TARBP1: variants seen among roughly 807,000 people sequenced by gnomAD.
TARBP1 encodes the protein tRNA (guanosine(18)-2'-O)-methyltransferase TARBP1.
Under a neutral mutation model 178.6 loss-of-function variants are expected in TARBP1, and 144 were observed. The ratio of observed to expected loss-of-function variants is 0.81; its 90% CI spans 0.70 to 0.93. TARBP1 has a LOEUF of 0.93. TARBP1 is among the 40% of genes least tolerant of loss of function. The pLI is 0.00. For missense variants in TARBP1, 2,067 were observed against 2,011.7 expected (o/e 1.03, Z -0.53); for synonymous variants, 787 against 781.0 (o/e 1.01, Z -0.13).
chr1:234,433,022 G>A (rs907944100), intron 14 of TARBP1, among the ~76,000 whole-genome samples: 9 of 152,094 alleles, frequency 5.9e-5, no homozygotes, highest in African/African-American at 2.2e-4. Context: ...GGCGGATCAC[G>A]AGGTCAGGAG....
intron 12 of TARBP1, among the ~76,000 whole-genome samples, chr1:234,437,636 A>G (rs974332597): frequency 1.3e-5 from 2 of 152,368 alleles, no homozygotes; most frequent in South Asian, 2.1e-4. Flanking sequence ...GACAGAATGC[A>G]TGACGCAGCT....
intron 9 of TARBP1, among the ~76,000 whole-genome samples, chr1:234,453,580 C>G (rs894952716): frequency 1.3e-5 from 2 of 151,844 alleles, no homozygotes; most frequent in Non-Finnish European, 2.9e-5. Flanking sequence ...TTAGGGTGAG[C>G]TACATGAAAA....
At chr1:234,465,828 C>T in intron 4 of TARBP1, 120 bp from the exon 5 acceptor site, 1 of 864,924 alleles carries the variant, frequency 1.2e-6, no homozygotes, top group Non-Finnish European at 1.7e-6. Flanking sequence ...ATAAGCAAAG[C>T]TGATCTCTTA....
chr1:234,422,528 A>T (rs946270081), intron 20 of TARBP1, among the ~76,000 whole-genome samples: 3 of 152,220 alleles, frequency 2.0e-5, no homozygotes, highest in Non-Finnish European at 4.4e-5. Context: ...TGGGAGCTAA[A>T]AAATAAAACA....
At chr1:234,423,921 T>C (rs1663404136) in intron 20 of TARBP1, among the ~76,000 whole-genome samples, 1 of 151,966 alleles carries the variant, frequency 6.6e-6, no homozygotes, top group Non-Finnish European at 1.5e-5. Context: ...TAAATATATA[T>C]TATAACATGT....
intron 22 of TARBP1, among the ~76,000 whole-genome samples, chr1:234,412,401 G>C (rs1207144553): frequency 6.7e-6 from 1 of 148,612 alleles, no homozygotes; most frequent in Admixed American, 6.7e-5. Context: ...CAGCCTGGGG[G>C]ACAGAGACAG....
intron 24 of TARBP1, among the ~76,000 whole-genome samples, chr1:234,405,087 T>C (rs1661079174): frequency 1.3e-5 from 2 of 152,206 alleles, no homozygotes; most frequent in Admixed American, 6.5e-5. Flanking sequence ...CCAAATGCTA[T>C]TTCATTTGCC....
chr1:234,443,829 T>C (rs974524851), intron 12 of TARBP1, among the ~76,000 whole-genome samples: 4 of 152,200 alleles, frequency 2.6e-5, no homozygotes, highest in African/African-American at 9.7e-5. Context: ...GAAGACATGG[T>C]GTTCAGTGAA....
intron 23 of TARBP1, among the ~76,000 whole-genome samples, chr1:234,408,276 G>A (rs953151555): frequency 1.3e-5 from 2 of 152,070 alleles, no homozygotes; most frequent in African/African-American, 4.8e-5. Context: ...TGTAACTGAG[G>A]TGGGGAAAGA....
chr1:234,448,628 A>T, intron 10 of TARBP1, 49 bp from the exon 11 acceptor site: 1 of 1,457,036 alleles, frequency 6.9e-7, no homozygotes, highest in Non-Finnish European at 9.6e-7. Context: ...AAATCCTTCA[A>T]GGATGATGCT....
intron 9 of TARBP1, among the ~76,000 whole-genome samples, chr1:234,453,329 GTT>G (rs374906747): frequency 3.3e-5 from 3 of 89,968 alleles, no homozygotes; most frequent in Admixed American, 2.7e-4. Flanking sequence ...TTTTTTGTGT[GTT>G]TTTTTTTTTT....
chr1:234,462,620 C>T (rs796123852), intron 6 of TARBP1, among the ~76,000 whole-genome samples: 16 of 136,000 alleles, frequency 1.2e-4, no homozygotes, highest in East Asian at 9.8e-4. Flanking sequence ...ACCCGGGAGG[C>T]GGAGGTTGCA....
At chr1:234,433,859 T>C (rs1273081897) in intron 13 of TARBP1, among the ~76,000 whole-genome samples, 4 of 152,198 alleles carry the variant, frequency 2.6e-5, no homozygotes, top group Non-Finnish European at 5.9e-5. Flanking sequence ...GAAATTACCA[T>C]CTACCAATTC....
At chr1:234,434,394 T>C (rs1383499083) in intron 13 of TARBP1, among the ~76,000 whole-genome samples, 1 of 152,200 alleles carries the variant, frequency 6.6e-6, no homozygotes, top group East Asian at 1.9e-4. Context: ...GAGCAACCAC[T>C]GGACGCCAAG....
intron 13 of TARBP1, among the ~76,000 whole-genome samples, chr1:234,435,389 A>G (rs1284363147): frequency 1.3e-5 from 2 of 152,206 alleles, no homozygotes; most frequent in Non-Finnish European, 2.9e-5. Context: ...AGGCTGAGGC[A>G]GAAGATTGCT....
At chr1:234,430,651 C>G (rs961463594) in intron 14 of TARBP1, among the ~76,000 whole-genome samples, 10 of 152,236 alleles carry the variant, frequency 6.6e-5, no homozygotes, top group Admixed American at 2.0e-4. Flanking sequence ...TTCTCCTACT[C>G]GCATACACAT....
At chr1:234,420,067 A>G (rs1275001947) in intron 21 of TARBP1, among the ~76,000 whole-genome samples, 1 of 152,242 alleles carries the variant, frequency 6.6e-6, no homozygotes, top group Non-Finnish European at 1.5e-5. Flanking sequence ...ATATACCATC[A>G]CTTTCTCATA....
Position 234,463,952 on chromosome 1 carries a change from G to A in TARBP1, c.1302-18C>T. 1 of 1,495,690 alleles carries A rather than the reference G, an allele frequency of 6.7e-7. No individual in the cohort carries two copies. Among genetic ancestry groups the A allele is most frequent in the Non-Finnish European group, 9.0e-7 (1 of 1,108,282 alleles). The allele number at this position is 1,495,690 out of a possible 1,614,324, so 92.7% of individuals were successfully genotyped here. A position where few individuals can be genotyped will look rare whatever the true frequency, so the allele number is the denominator to read the frequency against. ...CTGGGGACCTACAAACAGAGAGTGG[G>A]GAAAACAAATATTTAACATTTATTT... is the stretch of plus-strand genomic sequence containing the variant. On this transcript the variant is annotated intron_variant, in intron 5 of 29. Coordinates refer to ENST00000040877, the MANE Select transcript of TARBP1 (RefSeq NM_005646.4).
intron 9 of TARBP1, among the ~76,000 whole-genome samples, chr1:234,453,923 T>C (rs547805800): frequency 3.3e-5 from 5 of 152,168 alleles, no homozygotes; most frequent in Admixed American, 2.0e-4. Flanking sequence ...TCCAGGACAT[T>C]AGGAGACAGG....
Sources: allele counts gnomAD v4.1 joint callset (sites outside exome capture counted in the v4.1 genomes callset), GRCh38; gene constraint gnomAD v4.1.1; transcripts MANE v1.5; gene names NCBI Gene and HGNC (gene_info 2026-07-23, HGNC 2026-07-21).